The following HMGB1 variants were observed in gnomAD, a reference collection of about 807,000 sequenced individuals.
HMGB1 encodes high mobility group box 1.
For synonymous variants in HMGB1, 81 were observed against 84.0 expected (o/e 0.96, Z 0.19); for missense variants, 79 against 253.5 (o/e 0.31, Z 4.67).
intron 1 of HMGB1, among the ~76,000 whole-genome samples, chr13:30,576,367 CT>C (rs113330259): frequency 0.13 from 20,276 of 151,926 alleles, 3,672 homozygotes; most frequent in African/African-American, 0.41. Flanking sequence ...AAAATCATCT[CT>C]TTTGGTCCTA....
chr13:30,539,104 C>T (rs1868738465), intron 1 of HMGB1, among the ~76,000 whole-genome samples: 1 of 152,106 alleles, frequency 6.6e-6, no homozygotes, highest in Admixed American at 6.6e-5. Flanking sequence ...ACCATGTTGG[C>T]CTGGATGGTC....
At chr13:30,586,377 C>T (rs1247274529) in intron 1 of HMGB1, among the ~76,000 whole-genome samples, 2 of 151,946 alleles carry the variant, frequency 1.3e-5, no homozygotes, top group South Asian at 2.1e-4. Flanking sequence ...AAGACTGAAC[C>T]TAGTTTTTTT....
rs115521498 is a variant in HMGB1 at position 30,615,698 on chromosome 13, T to C, written c.-15+973A>G. ...AGACTAAAAAAGAAATCATAGCAAGTAGCTTTTATATCCCAGGTTTGGGCC... is the reference window on the plus strand; with the variant it reads ...AGACTAAAAAAGAAATCATAGCAAGCAGCTTTTATATCCCAGGTTTGGGCC... On this transcript the variant is annotated intron_variant, in intron 1 of 4. Coordinates refer to the HMGB1 transcript ENST00000405805. Among the ~76,000 whole-genome samples, 798 of 152,218 alleles carry C rather than the reference T, an allele frequency of 5.2e-3. 6 individuals are homozygous for C. Among genetic ancestry groups the C allele is most frequent in the African/African-American group, 0.017 (718 of 41,488 alleles).
At chr13:30,480,379 T>C (rs1381812394) in intron 1 of HMGB1, among the ~76,000 whole-genome samples, 2 of 152,238 alleles carry the variant, frequency 1.3e-5, no homozygotes, top group African/African-American at 4.8e-5. Flanking sequence ...TTCAATGAAT[T>C]CAGTCTAGGT....
At chr13:30,565,665 T>G (rs374027698) in intron 1 of HMGB1, among the ~76,000 whole-genome samples, 1 of 152,188 alleles carries the variant, frequency 6.6e-6, no homozygotes, top group African/African-American at 2.4e-5. Context: ...CTGATATGCT[T>G]CCAGAGGGCA....
At chr13:30,530,505 A>G (rs1888470657) in intron 1 of HMGB1, among the ~76,000 whole-genome samples, 1 of 152,192 alleles carries the variant, frequency 6.6e-6, no homozygotes. Context: ...ATACCCTTTG[A>G]CCAATACTAG....
At position 30,522,109 on chromosome 13, in the gene HMGB1, C is replaced by CTTTTT. The variant is rs35096026; in HGVS notation, c.-14-58420_-14-58416dup. Among the ~76,000 whole-genome samples the CTTTTT allele has an allele frequency of 8.5e-5, 11 of 130,128 alleles. 1 individual carries two copies. The highest frequency in any genetic ancestry group is 1.1e-4 in the African/African-American group (4 of 35,104). 85.4% of individuals were successfully genotyped at this position (130,128 alleles called of 152,430 possible). ...TGTGAGTTAAAACATAATTATGATA[C>CTTTTT]TTTTTTTTTTTTTTTTTGGGCAAGA... On this transcript the variant is annotated intron_variant, in intron 1 of 4. Transcript: ENST00000405805.
chr13:30,518,990 T>C (rs1018034419), intron 1 of HMGB1, among the ~76,000 whole-genome samples: 2 of 151,934 alleles, frequency 1.3e-5, no homozygotes, highest in African/African-American at 4.8e-5. Context: ...TCCCAAGGGG[T>C]TGGGATTATG....
chr13:30,493,533 G>A (rs1036838915), intron 1 of HMGB1, among the ~76,000 whole-genome samples: 34 of 152,164 alleles, frequency 2.2e-4, no homozygotes, highest in African/African-American at 7.0e-4. Context: ...AGTGGCTCAC[G>A]CCTGTAATCC....
chr13:30,608,449 T>C (rs1261864498), intron 1 of HMGB1, among the ~76,000 whole-genome samples: 6 of 152,148 alleles, frequency 3.9e-5, no homozygotes, highest in African/African-American at 9.7e-5. Flanking sequence ...GTTGAGGGCA[T>C]GAGGAAAGCT....
At chr13:30,499,834 C>G (rs939802795) in intron 1 of HMGB1, among the ~76,000 whole-genome samples, 2 of 152,060 alleles carry the variant, frequency 1.3e-5, no homozygotes, top group Admixed American at 1.3e-4. Flanking sequence ...AAAACTAAAC[C>G]CTGCCCCAAG....
intron 1 of HMGB1, among the ~76,000 whole-genome samples, chr13:30,490,355 C>A (rs1887459017): frequency 6.6e-6 from 1 of 152,040 alleles, no homozygotes; most frequent in South Asian, 2.1e-4. Flanking sequence ...CGTGGTGGTT[C>A]ATGCCTGTAA....
intron 1 of HMGB1, among the ~76,000 whole-genome samples, chr13:30,493,523 A>G (rs9315014): frequency 0.94 from 142,510 of 152,240 alleles, 67,482 homozygotes; most frequent in East Asian, 1. Flanking sequence ...GGCTGTGTGC[A>G]GTGGCTCACG....
intron 1 of HMGB1, among the ~76,000 whole-genome samples, chr13:30,545,199 G>C (rs966123124): frequency 6.6e-6 from 1 of 152,002 alleles, no homozygotes; most frequent in Non-Finnish European, 1.5e-5. Flanking sequence ...ATGGATGTGA[G>C]GCTGAGGATG....
chr13:30,456,933 C>G lies in HMGB1; in HGVS notation c.*4424G>C, dbSNP rs1477830454. The G allele has an allele frequency of 2.0e-5, 3 of 151,918 alleles. No homozygotes were observed. The highest frequency in any genetic ancestry group is 2.9e-5 in the Non-Finnish European group (2 of 68,022). The allele number at this position is 151,918 out of a possible 1,614,324, so 9.4% of individuals were successfully genotyped here. A position where few individuals can be genotyped will look rare whatever the true frequency, so the allele number is the denominator to read the frequency against. ...TAAACAGCAAAAAATAGGAAACAAT[C>G]TAAATGTCCATCAGTAAGGGAATGA... On this transcript the variant is annotated 3_prime_UTR_variant, in exon 5 of 5. Coordinates refer to ENST00000341423, the MANE Select transcript of HMGB1 (RefSeq NM_002128.7).
chr13:30,549,299 C>A (rs4769040), intron 1 of HMGB1, among the ~76,000 whole-genome samples: 92,872 of 152,066 alleles, frequency 0.61, 28,866 homozygotes, highest in Middle Eastern at 0.76. Context: ...TAAATAAATA[C>A]GAATGTCTGA....
intron 1 of HMGB1, among the ~76,000 whole-genome samples, chr13:30,486,330 C>T (rs906916023): frequency 6.6e-6 from 1 of 152,176 alleles, no homozygotes; most frequent in Non-Finnish European, 1.5e-5. Flanking sequence ...GCTGCATTCC[C>T]TTAAAGGTTG....
chr13:30,546,161 G>A (rs980936254), intron 1 of HMGB1, among the ~76,000 whole-genome samples: 2 of 152,082 alleles, frequency 1.3e-5, no homozygotes, highest in Non-Finnish European at 2.9e-5. Context: ...CTGTTGCCAG[G>A]CTGGAGTTCA....
intron 1 of HMGB1, among the ~76,000 whole-genome samples, chr13:30,615,904 T>C (rs1359739843): frequency 6.6e-6 from 1 of 152,200 alleles, no homozygotes; most frequent in African/African-American, 2.4e-5. Flanking sequence ...CATGTGAGTT[T>C]ATAACTGGAA....
Sources: allele counts gnomAD v4.1 joint callset (sites outside exome capture counted in the v4.1 genomes callset), GRCh38; gene constraint gnomAD v4.1.1; transcripts MANE v1.5; gene names NCBI Gene and HGNC (gene_info 2026-07-23, HGNC 2026-07-21).